Variants in FANCL observed in about 807,000 individuals in gnomAD.
FANCL encodes the protein E3 ubiquitin-protein ligase FANCL.
FANCL carries 69 observed loss-of-function variants against 59.4 expected under a neutral mutation model. That is an observed-to-expected ratio of 1.16 (90% CI 0.96 to 1.42). FANCL has a LOEUF of 1.42. FANCL is among the 40% of genes most tolerant of loss of function. FANCL has a pLI of 0.00. For missense variants in FANCL, 519 were observed against 447.2 expected (o/e 1.16, Z -1.45); for synonymous variants, 180 against 147.1 (o/e 1.22, Z -1.62).
At chr2:58,161,050 G>A (rs545803153) in intron 12 of FANCL, among the ~76,000 whole-genome samples, 2 of 152,026 alleles carry the variant, frequency 1.3e-5, no homozygotes, top group Admixed American at 6.6e-5. Flanking sequence ...ATCACAAAAG[G>A]CATTCTTCTC....
intron 7 of FANCL, among the ~76,000 whole-genome samples, chr2:58,191,390 C>A (rs1454920809): frequency 6.6e-6 from 1 of 151,798 alleles, no homozygotes; most frequent in African/African-American, 2.4e-5. Context: ...CTGAGTTACT[C>A]CAAACCATAA....
chr2:58,171,636 C>T (rs943939585), intron 7 of FANCL, among the ~76,000 whole-genome samples: 6 of 152,064 alleles, frequency 3.9e-5, no homozygotes, highest in Non-Finnish European at 7.4e-5. Flanking sequence ...CCAAGATGGC[C>T]GAATAGGAAC....
In FANCL at chr2:58,230,410, C is replaced by T. The variant is rs535743835; in HGVS notation, c.156-536G>A. The stretch of plus-strand genomic sequence containing the variant: ...CCTGAACTCCTAGGCTCAAGAAACC[C>T]TCCCGCCTCAGCCTCTCAAGTAGCT... On this transcript the variant is annotated intron_variant, in intron 2 of 13. Transcript: ENST00000233741. 7.6e-4 allele frequency among the ~76,000 whole-genome samples: 115 copies of T among 152,210 alleles called. 1 individual carries two copies. Among genetic ancestry groups the T allele is most frequent in the African/African-American group, 2.7e-3 (112 of 41,520 alleles).
intron 7 of FANCL, 90 bp from the exon 8 acceptor site, chr2:58,165,964 T>G: frequency 3.7e-6 from 5 of 1,345,032 alleles, no homozygotes; most frequent in Non-Finnish European, 5.2e-6. Flanking sequence ...TTTAGAAATT[T>G]TAAGCTGTTT....
At position 58,219,140 on chromosome 2, in the gene FANCL, T is replaced by TA. The variant is rs70954881; in HGVS notation, c.374+2801dup. On this transcript the variant is annotated intron_variant, in intron 5 of 13. Coordinates refer to ENST00000233741, the MANE Select transcript of FANCL (RefSeq NM_018062.4). ...TCAGTGCCAGAAAGTAAATACATGC[T>TA]AAAAAAAAAAAAAAAAAAAAAAAAA... Among the ~76,000 whole-genome samples the TA allele has an allele frequency of 3.9e-3, 65 of 16,606 alleles. 13 individuals are homozygous for TA. Among genetic ancestry groups the TA allele is most frequent in the East Asian group, 8.4e-3 (3 of 356 alleles). The allele number at this position is 16,606 out of a possible 152,430, so 10.9% of individuals were successfully genotyped here. A position where few individuals can be genotyped will look rare whatever the true frequency, so the allele number is the denominator to read the frequency against.
chr2:58,182,855 T>G (rs962060659), intron 7 of FANCL, among the ~76,000 whole-genome samples: 35 of 151,784 alleles, frequency 2.3e-4, no homozygotes, highest in African/African-American at 7.7e-4. Context: ...AGTATGCTGA[T>G]TAAGATCAAA....
chr2:58,238,458 C>G (rs1288475306), intron 1 of FANCL, among the ~76,000 whole-genome samples: 1 of 152,144 alleles, frequency 6.6e-6, no homozygotes, highest in African/African-American at 2.4e-5. Context: ...TAGAGAGCAT[C>G]ATTACAGATC....
intron 7 of FANCL, among the ~76,000 whole-genome samples, chr2:58,173,633 G>C (rs963878207): frequency 1.4e-4 from 22 of 152,080 alleles, no homozygotes; most frequent in Admixed American, 1.4e-3. Flanking sequence ...GCTCCTGAAG[G>C]AAGCACTAAA....
chr2:58,173,958 G>T (rs1336690818), intron 7 of FANCL, among the ~76,000 whole-genome samples: 3 of 151,486 alleles, frequency 2.0e-5, no homozygotes, highest in African/African-American at 7.3e-5. Context: ...CAAGCAAATG[G>T]AAAACAAAAA....
intron 5 of FANCL, among the ~76,000 whole-genome samples, chr2:58,216,561 A>T (rs1375420739): frequency 3.3e-5 from 5 of 152,204 alleles, no homozygotes; most frequent in Non-Finnish European, 7.3e-5. Flanking sequence ...AAGATTTAAG[A>T]TTTTACATTT....
In FANCL at chr2:58,222,027, T is replaced by A. The variant is rs1478338816; in HGVS notation, c.289A>T (p.Asn97Tyr). The A allele has an allele frequency of 6.2e-7, 1 of 1,613,118 alleles. No homozygotes were observed. The highest frequency in any genetic ancestry group is 8.5e-7 in the Non-Finnish European group (1 of 1,179,242). Residue 97 changes from asparagine to tyrosine, a missense_variant, in exon 5 of 14, where the codon AAT becomes TAT. Asn to Tyr is a moderately radical substitution (Grantham distance 143). Transcript: ENST00000233741. ...GGTAGTGCATACAGCTCTTGTCTAT[T>A]CTTTAAGGCAACTTCCTGTTTAAAA... ...LKMLLEVALKNRQELYALPPP... is the reference protein window; with the variant it reads ...LKMLLEVALKYRQELYALPPP...
chr2:58,241,087 G>GTC, intron 1 of FANCL, 131 bp downstream of exon 1: 1 of 915,490 alleles, frequency 1.1e-6, no homozygotes, highest in Non-Finnish European at 1.7e-6. Context: ...AGTCTCCCAA[G>GTC]AGCCGTTACG....
At chr2:58,207,016 C>A (rs1317631349) in intron 5 of FANCL, among the ~76,000 whole-genome samples, 1 of 152,118 alleles carries the variant, frequency 6.6e-6, no homozygotes, top group Non-Finnish European at 1.5e-5. Flanking sequence ...CTCAATAAAA[C>A]CAAGTTTTAG....
chr2:58,239,431 T>C (rs894988948), intron 1 of FANCL, among the ~76,000 whole-genome samples: 4 of 152,148 alleles, frequency 2.6e-5, no homozygotes, highest in Non-Finnish European at 5.9e-5. Flanking sequence ...TAACAGCCAA[T>C]CTGTACTCTT....
chr2:58,193,354 A>C (rs1335074966), intron 7 of FANCL, among the ~76,000 whole-genome samples: 1 of 152,052 alleles, frequency 6.6e-6, no homozygotes, highest in East Asian at 1.9e-4. Flanking sequence ...TTACATTTTA[A>C]TTTTAGTTGC....
intron 7 of FANCL, among the ~76,000 whole-genome samples, chr2:58,172,809 G>A (rs1046091276): frequency 2.0e-5 from 3 of 152,188 alleles, no homozygotes; most frequent in Non-Finnish European, 4.4e-5. Context: ...CGAGTTGAGA[G>A]AAGAAGGCTT....
At chr2:58,241,349 A>C (rs548766150), upstream of FANCL, 116 of 1,601,534 alleles carry the variant, frequency 7.2e-5, no homozygotes, top group Non-Finnish European at 9.6e-5. Flanking sequence ...AAAGCTCTAG[A>C]CCTGCTGGGT....
intron 7 of FANCL, among the ~76,000 whole-genome samples, chr2:58,179,783 T>G (rs1687738106): frequency 6.6e-6 from 1 of 151,928 alleles, no homozygotes; most frequent in South Asian, 2.1e-4. Flanking sequence ...ATCATTAGAG[T>G]GAACAGGCAA....
At chr2:58,168,406 G>C (rs1686182069) in intron 7 of FANCL, among the ~76,000 whole-genome samples, 1 of 152,144 alleles carries the variant, frequency 6.6e-6, no homozygotes, top group Non-Finnish European at 1.5e-5. Flanking sequence ...ATGAGGAGTG[G>C]TGCACTCTGG....
Sources: gnomAD v4.1 joint callset for allele counts (sites outside exome capture counted in the v4.1 genomes callset) on GRCh38, gnomAD v4.1.1 for gene constraint, MANE v1.5 for transcripts, NCBI Gene and HGNC (gene_info 2026-07-23, HGNC 2026-07-21) for gene names.